The following CDH18 variants were observed in gnomAD, a reference collection of about 807,000 sequenced individuals.
CDH18 encodes the protein cadherin 18.
Under a neutral mutation model 67.9 loss-of-function variants are expected in CDH18, and 31 were observed. That is an observed-to-expected ratio of 0.46 (90% confidence interval 0.34 to 0.62). The LOEUF is 0.62. Ranked by LOEUF, CDH18 falls within the 20% of genes least tolerant of loss-of-function variation. The pLI, the probability that CDH18 is intolerant of heterozygous loss-of-function variation, is 0.01. For missense variants in CDH18, 890 were observed against 975.5 expected, an observed-to-expected ratio of 0.91 and a Z score of 1.17; for synonymous variants, 362 against 347.2, an observed-to-expected ratio of 1.04 and a Z score of -0.48.
chr5:20,413,664 A>AT (rs1179686943), intron 1 of CDH18, among the ~76,000 whole-genome samples: 4 of 151,748 alleles, frequency 2.6e-5, no homozygotes, highest in African/African-American at 7.3e-5. Flanking sequence ...GGATTGTTTG[A>AT]TTTTTTCTTG....
intron 2 of CDH18, among the ~76,000 whole-genome samples, chr5:20,191,587 C>T (rs1337030654): frequency 6.6e-6 from 1 of 151,964 alleles, no homozygotes; most frequent in Non-Finnish European, 1.5e-5. Flanking sequence ...CGTTCAACCC[C>T]CACTTATGAA....
At chr5:19,669,370 ACAACCTCCGCTTC>A (rs1419572370) in intron 5 of CDH18, among the ~76,000 whole-genome samples, 1 of 150,948 alleles carries the variant, frequency 6.6e-6, no homozygotes, top group East Asian at 1.9e-4. Flanking sequence ...TCGGCTCACT[ACAACCTCCGCTTC>A]CCAGGTTCAA....
At chr5:19,870,387 G>A (rs1398084320) in intron 2 of CDH18, among the ~76,000 whole-genome samples, 19 of 152,076 alleles carry the variant, frequency 1.2e-4, no homozygotes, top group Admixed American at 1.2e-3. Flanking sequence ...GTTTTCTCTA[G>A]ATATTGCAAA....
intron 12 of CDH18, among the ~76,000 whole-genome samples, chr5:19,480,295 A>C (rs1037989151): frequency 6.6e-6 from 1 of 152,028 alleles, no homozygotes; most frequent in Non-Finnish European, 1.5e-5. Context: ...ACAAAAAAGA[A>C]GTATGTTAAT....
intron 12 of CDH18, among the ~76,000 whole-genome samples, chr5:19,474,574 T>C (rs1218150947): frequency 6.6e-6 from 1 of 152,032 alleles, no homozygotes; most frequent in East Asian, 1.9e-4. Flanking sequence ...GAATGAGGAA[T>C]CTGAGACTCA....
chr5:20,147,696 C>T (rs1256725549), intron 2 of CDH18, among the ~76,000 whole-genome samples: 3 of 151,996 alleles, frequency 2.0e-5, no homozygotes, highest in African/African-American at 4.8e-5. Context: ...AAAGTTGAAA[C>T]CTTTTTTGGT....
intron 1 of CDH18, among the ~76,000 whole-genome samples, chr5:20,565,037 T>C (rs1288916264): frequency 6.6e-6 from 1 of 152,174 alleles, no homozygotes; most frequent in African/African-American, 2.4e-5. Context: ...AAAATTGACA[T>C]ATTTTTTCTC....
At chr5:19,892,001 C>T (rs1788827993) in intron 2 of CDH18, among the ~76,000 whole-genome samples, 1 of 152,126 alleles carries the variant, frequency 6.6e-6, no homozygotes, top group Admixed American at 6.6e-5. Context: ...GCTCACTTTT[C>T]TGTTCTCTTA....
chr5:19,915,398 A>T (rs1238579368), intron 2 of CDH18, among the ~76,000 whole-genome samples: 1 of 152,138 alleles, frequency 6.6e-6, no homozygotes, highest in Admixed American at 6.6e-5. Context: ...CAAAAATCCT[A>T]CTATAACTTT....
intron 1 of CDH18, among the ~76,000 whole-genome samples, chr5:20,538,155 C>T (rs918435092): frequency 1.3e-5 from 2 of 152,030 alleles, no homozygotes; most frequent in African/African-American, 4.8e-5. Flanking sequence ...AAATGCAGAA[C>T]ACATCACTAT....
At chr5:19,666,157 C>T (rs539475408) in intron 5 of CDH18, among the ~76,000 whole-genome samples, 54 of 151,470 alleles carry the variant, frequency 3.6e-4, no homozygotes, top group African/African-American at 1.3e-3. Context: ...ACAGCCTCAG[C>T]CTCTGGGGTT....
intron 2 of CDH18, among the ~76,000 whole-genome samples, chr5:19,907,336 GT>G (rs1790649677): frequency 6.6e-6 from 1 of 151,886 alleles, no homozygotes; most frequent in Admixed American, 6.6e-5. Flanking sequence ...TTGGGGTTTT[GT>G]TTTTAAATAT....
Position 20,475,901 on chromosome 5 carries a change from A to G in CDH18, c.-580+99561T>C, listed in dbSNP as rs185432636. 2.2e-3 allele frequency among the ~76,000 whole-genome samples: 335 copies of G among 152,328 alleles called. 1 individual carries two copies. The highest frequency in any genetic ancestry group is 7.9e-3 in the African/African-American group (328 of 41,574). On this transcript the variant is annotated intron_variant, in intron 1 of 14. Transcript: ENST00000507958. ...AGGTTTGGATTGCTGAAGACCAGGT[A>G]TACCACTTGGAAGACATTTAGATGT...
chr5:19,914,109 G>T (rs1456882607), intron 2 of CDH18, among the ~76,000 whole-genome samples: 1 of 152,046 alleles, frequency 6.6e-6, no homozygotes, highest in Non-Finnish European at 1.5e-5. Flanking sequence ...TCCTTTTTGA[G>T]ATGCAAAATA....
intron 2 of CDH18, among the ~76,000 whole-genome samples, chr5:20,154,686 AT>A (rs1260541987): frequency 3.3e-5 from 5 of 152,040 alleles, no homozygotes; most frequent in African/African-American, 1.2e-4. Context: ...TCCAGCTTTT[AT>A]TTCCCCTAAT....
At chr5:19,519,251 C>T (rs1374723569) in intron 10 of CDH18, among the ~76,000 whole-genome samples, 1 of 152,098 alleles carries the variant, frequency 6.6e-6, no homozygotes, top group Non-Finnish European at 1.5e-5. Context: ...CAAAGCCAGA[C>T]ATTGAGATAG....
chr5:20,548,959 G>T (rs951558251), intron 1 of CDH18, among the ~76,000 whole-genome samples: 21 of 152,086 alleles, frequency 1.4e-4, no homozygotes, highest in African/African-American at 5.1e-4. Context: ...AACATATAGG[G>T]TGATAATCCA....
intron 1 of CDH18, among the ~76,000 whole-genome samples, chr5:20,287,356 AAT>A (rs1746768373): frequency 6.6e-6 from 1 of 151,690 alleles, no homozygotes; most frequent in Admixed American, 6.6e-5. Flanking sequence ...GAGTGTTTTA[AAT>A]ATATATTTAT....
rs372621583 is a variant in CDH18 at position 19,904,217 on chromosome 5, T to C, written c.-256-64975A>G. ...TGAACTCCGGAGGCGGAGATTGCAG[T>C]GAGCCAAGATCGCACCATTGAACTC... On this transcript the variant is annotated intron_variant, in intron 2 of 12. Transcript: ENST00000382275. Among the ~76,000 whole-genome samples the C allele has an allele frequency of 1.7e-4, 25 of 151,020 alleles. No homozygotes were observed. In the East Asian group the frequency reaches 4.1e-3, roughly 25 times the overall value.
Sources: allele counts gnomAD v4.1 joint callset (sites outside exome capture counted in the v4.1 genomes callset), GRCh38; gene constraint gnomAD v4.1.1; transcripts MANE v1.5; gene names NCBI Gene and HGNC (gene_info 2026-07-23, HGNC 2026-07-21).